Variants in BSN observed in about 807,000 individuals in gnomAD.
BSN encodes protein bassoon.
A neutral mutation model predicts 264.8 loss-of-function variants in BSN; 57 were observed. The observed-to-expected ratio is 0.22, with a 90% CI of 0.17 to 0.27. BSN has a LOEUF of 0.27. BSN is among the 10% of genes least tolerant of loss of function. The pLI, the probability that BSN is intolerant of heterozygous loss-of-function variation, is 1.00. For synonymous variants in BSN, 2,059 were observed against 2,137.3 expected, an observed-to-expected ratio of 0.96 and a Z score of 1.01; for missense variants, 4,615 against 5,232.5, an observed-to-expected ratio of 0.88 and a Z score of 3.64.
At chr3:49,576,862 G>A (rs1025123351) in intron 1 of BSN, among the ~76,000 whole-genome samples, 3 of 152,196 alleles carry the variant, frequency 2.0e-5, no homozygotes, top group Non-Finnish European at 4.4e-5. Flanking sequence ...CCAGCATCCT[G>A]CCTTTCTTCT....
intron 1 of BSN, among the ~76,000 whole-genome samples, chr3:49,579,001 G>T (rs992642304): frequency 6.6e-6 from 1 of 152,004 alleles, no homozygotes. Flanking sequence ...TTTAGAGAGG[G>T]AATCTTACTC....
At position 49,654,813 on chromosome 3, in the gene BSN, G is replaced by C. The variant is rs749093499; in HGVS notation, c.5257G>C (p.Asp1753His). The C allele has an allele frequency of 6.2e-7, 1 of 1,613,524 alleles. No homozygotes were observed. ...ACAAAAGCAGCCTGTGGTCTATGGAGACCCCTACCAGAGCCGCCTTGACTT... is the reference window on the plus strand; with the variant it reads ...ACAAAAGCAGCCTGTGGTCTATGGACACCCCTACCAGAGCCGCCTTGACTT... ...AQQKQPVVYG[D>H]PYQSRLDFGQ... The change falls in exon 5 of 12, where the codon GAC (aspartate) becomes CAC (histidine). Residue 1753 changes from aspartate to histidine, a missense_variant. Asp to His is a moderately conservative substitution (Grantham distance 81, BLOSUM62 -1). This residue lies in a region of BSN where 3,415 missense variants were observed against 3,866.4 expected (regional missense o/e 0.88). Coordinates refer to ENST00000296452, the MANE Select transcript of BSN (RefSeq NM_003458.4). This position sits in a 1 kb window ranked among gnomAD's most constrained non-coding sequence, Gnocchi z 4.1.
intron 1 of BSN, among the ~76,000 whole-genome samples, chr3:49,583,801 T>C (rs1228876720): frequency 6.6e-6 from 1 of 152,170 alleles, no homozygotes; most frequent in African/African-American, 2.4e-5. Context: ...CATCTTGGAA[T>C]TTGTCAATTT....
At chr3:49,623,674 AT>A (rs1377907618) in intron 1 of BSN, among the ~76,000 whole-genome samples, 1 of 152,176 alleles carries the variant, frequency 6.6e-6, no homozygotes, top group Non-Finnish European at 1.5e-5. Flanking sequence ...ATCTTGGTAG[AT>A]TTGGTCTGGC....
chr3:49,665,063 AG>A (rs1449508093), intron 10 of BSN, among the ~76,000 whole-genome samples, 165 bp from the exon 11 acceptor site: 1 of 152,122 alleles, frequency 6.6e-6, no homozygotes, highest in Non-Finnish European at 1.5e-5. Flanking sequence ...GGGCCAACAC[AG>A]TAGGGGTCCC....
rs1206682895 is a variant in BSN, at chr3:49,668,349, A to G, written c.*864A>G. 1.3e-5 allele frequency: 2 copies of G among 152,650 alleles called. No individual in the cohort carries two copies. Among genetic ancestry groups the G allele is most frequent in the East Asian group, 3.9e-4 (2 of 5,192 alleles). 9.5% of individuals were successfully genotyped at this position (152,650 alleles called of 1,614,324 possible). A position where few individuals can be genotyped will look rare whatever the true frequency, so the allele number is the denominator to read the frequency against. ...ACACCTGGGGATTTCTTTTGATTTCAAGAACAGCCTTAATCATTCCAGTTT... is the reference window on the plus strand; with the variant it reads ...ACACCTGGGGATTTCTTTTGATTTCGAGAACAGCCTTAATCATTCCAGTTT... On this transcript the variant is annotated 3_prime_UTR_variant, in exon 12 of 12. Transcript: ENST00000296452.
chr3:49,636,512 T>C (rs141984614), intron 2 of BSN, among the ~76,000 whole-genome samples: 14 of 152,116 alleles, frequency 9.2e-5, no homozygotes, highest in African/African-American at 3.1e-4. Context: ...TTAAGAGATA[T>C]TGAGGGCAGA....
chr3:49,650,161 G>A (rs2052529574), intron 3 of BSN, among the ~76,000 whole-genome samples: 1 of 151,788 alleles, frequency 6.6e-6, no homozygotes, highest in African/African-American at 2.4e-5. Context: ...GGAGGCAGGG[G>A]AAGCATAGTG....
chr3:49,660,803 CAA>C lies in BSN; in HGVS notation c.8960_8961del (p.Lys2987ArgfsTer11). The stretch of plus-strand genomic sequence containing the variant: ...ACCTGGAGTTGGGTATCACACAACG[CAA>C]AGAGTCTTTGGCCAAAGACCGGGGT... Reference protein sequence around the residue: ...KYLELGITQRKESLAKDRGGR... With the variant: ...KYLELGITQRXESLAKDRGGR... On this transcript the variant is annotated frameshift_variant, in exon 6 of 12. Transcript: ENST00000296452. LOFTEE classifies it high-confidence loss of function. This position sits in a 1 kb window ranked among gnomAD's most constrained non-coding sequence, Gnocchi z 7.1. The C allele has an allele frequency of 6.2e-7, 1 of 1,613,146 alleles. No individual in the cohort carries two copies. Among genetic ancestry groups the C allele is most frequent in the East Asian group, 2.2e-5 (1 of 44,882 alleles).
chr3:49,593,585 T>G (rs1307654643), intron 1 of BSN, among the ~76,000 whole-genome samples: 1 of 152,198 alleles, frequency 6.6e-6, no homozygotes, highest in Non-Finnish European at 1.5e-5. Flanking sequence ...TTAGTTATCA[T>G]TATAGGTCTG....
Position 49,635,422 on chromosome 3 carries a change from C to G in BSN, c.634-6846C>G, listed in dbSNP as rs549654610. 5.9e-5 allele frequency among the ~76,000 whole-genome samples: 9 copies of G among 152,236 alleles called. No individual in the cohort carries two copies. The East Asian group carries it at 1.7e-3, about 29-fold the overall frequency. ...GGAGTCAACTGCCAAGAGCCCATCA[C>G]AGGAGCTCTTGATGCCTTGCTGGGT... On this transcript the variant is annotated intron_variant, in intron 2 of 11. Transcript: ENST00000296452.
chr3:49,661,347 G>A lies in BSN; in HGVS notation c.9502G>A (p.Val3168Ile), dbSNP rs773284352. 11 of 1,613,874 alleles carry A rather than the reference G, an allele frequency of 6.8e-6. No individual in the cohort carries two copies. The highest frequency in any genetic ancestry group is 2.7e-5 in the African/African-American group (2 of 74,912). Reference sequence around the variant, plus strand: ...CAACTATGAGGTGATCGCCAGCCCCGTTGTGCCCATGTCTTCAGCCCCATC... The same window carrying A: ...CAACTATGAGGTGATCGCCAGCCCCATTGTGCCCATGTCTTCAGCCCCATC... ...PTNYEVIASP[V>I]VPMSSAPSET... The change falls in exon 6 of 12, where the codon GTT (valine) becomes ATT (isoleucine). Residue 3168 changes from valine (V) to isoleucine (I), a missense_variant. Transcript: ENST00000296452.
chr3:49,649,060 G>T (rs534765077), intron 3 of BSN, among the ~76,000 whole-genome samples: 10 of 152,212 alleles, frequency 6.6e-5, no homozygotes, highest in Admixed American at 3.3e-4. Flanking sequence ...GCAGAGAAGT[G>T]GAGTGTAGCT....
At chr3:49,582,986 T>TTTATTTAC (rs56691777) in intron 1 of BSN, among the ~76,000 whole-genome samples, 3 of 151,732 alleles carry the variant, frequency 2.0e-5, no homozygotes, top group Admixed American at 1.3e-4. Context: ...TATTTATTTA[T>TTTATTTAC]GAGACAGGGT....
At position 49,653,517 on chromosome 3, in the gene BSN, G is replaced by T; in HGVS notation, c.3961G>T (p.Val1321Leu). ...CAGTCCCACCCAGCTCGCTGCCCCT[G>T]TGTCCTTCTCTACCCCCACCTCCTC... ...GTSPTQLAAP[V>L]SFSTPTSSDS... The change falls in exon 5 of 12, where the codon GTG becomes TTG. Residue 1321 changes from valine (V) to leucine (L), a missense_variant. This residue lies in a region of BSN where 3,415 missense variants were observed against 3,866.4 expected (regional missense o/e 0.88). Transcript: ENST00000296452. This position sits in a 1 kb window ranked among gnomAD's most constrained non-coding sequence, Gnocchi z 6.3. 6.2e-7 allele frequency: 1 copy of T among 1,613,922 alleles called. No individual in the cohort carries two copies. The highest frequency in any genetic ancestry group is 8.5e-7 in the Non-Finnish European group (1 of 1,179,926).
At chr3:49,596,719 G>T (rs2052026109) in intron 1 of BSN, among the ~76,000 whole-genome samples, 1 of 152,094 alleles carries the variant, frequency 6.6e-6, no homozygotes. Context: ...CTTAGTCACA[G>T]ACGTGATCAT....
Position 49,635,504 on chromosome 3 carries a change from T to C in BSN, c.634-6764T>C, listed in dbSNP as rs1193433726. Among the ~76,000 whole-genome samples, 7 of 152,230 alleles carry C rather than the reference T, an allele frequency of 4.6e-5. No homozygotes were observed. The East Asian group carries it at 1.4e-3, about 29-fold the overall frequency. On this transcript the variant is annotated intron_variant, in intron 2 of 11. Transcript: ENST00000296452. ...CATTTTTACCCCCAACCTCAAGTTA[T>C]GAATATTTTCAAGCCTACAAAATTG...
Position 49,657,995 on chromosome 3 carries a change from C to T in BSN, c.8439C>T (p.Ser2813=), listed in dbSNP as rs762835998. 4 of 1,612,394 alleles carry T rather than the reference C, an allele frequency of 2.5e-6. No individual in the cohort carries two copies. The highest frequency in any genetic ancestry group is 3.4e-6 in the Non-Finnish European group (4 of 1,179,018). The change falls in exon 5 of 12, where the codon TCC becomes TCT. Residue 2813 remains serine, a synonymous_variant. Transcript: ENST00000296452. ...GGCTCCTGGACACCTCCTTTGCTTC[C>T]AGTGAGAGGCTGAACAAAGCTCACG... is the stretch of plus-strand genomic sequence containing the variant. ...PHRLLDTSFA[S]SERLNKAHVS...
intron 1 of BSN, among the ~76,000 whole-genome samples, chr3:49,593,788 G>GTTTTTTTTTTTTT (rs2051998608): frequency 7.3e-6 from 1 of 137,420 alleles, no homozygotes; most frequent in Non-Finnish European, 1.6e-5. Context: ...TTTTTTTTTT[G>GTTTTTTTTTTTTT]TTTTGTTTTG....
Sources: gnomAD v4.1 joint callset for allele counts (sites outside exome capture counted in the v4.1 genomes callset) on GRCh38, gnomAD v4.1.1 for gene constraint, gnomAD v4.1.1 regional missense constraint, Gnocchi (gnomAD v3.1) non-coding constraint, MANE v1.5 for transcripts, NCBI Gene and HGNC (gene_info 2026-07-23, HGNC 2026-07-21) for gene names.